The following MB21D2 variants were observed in gnomAD, a reference collection of about 807,000 sequenced individuals.
The protein encoded by MB21D2 is nucleotidyltransferase MB21D2.
A neutral mutation model predicts 33.3 loss-of-function variants in MB21D2; 9 were observed. The ratio of observed to expected loss-of-function variants is 0.27; its 90% CI spans 0.16 to 0.47. The LOEUF (loss-of-function observed/expected upper bound fraction) is 0.47, where lower values mean the gene tolerates loss of function less well. Among genes scored for constraint, MB21D2 ranks in the 20% least tolerant of loss-of-function variants. MB21D2 has a pLI of 0.99. For missense variants in MB21D2, 540 were observed against 624.6 expected, an observed-to-expected ratio of 0.86 and a Z score of 1.44; for synonymous variants, 241 against 236.3, an observed-to-expected ratio of 1.02 and a Z score of -0.18.
chr3:192,878,743 C>A (rs1156258515), intron 1 of MB21D2, among the ~76,000 whole-genome samples: 2 of 152,162 alleles, frequency 1.3e-5, no homozygotes, highest in African/African-American at 4.8e-5. Flanking sequence ...GCGAGCGGAT[C>A]GCTTGAGGTC....
chr3:192,840,908 T>C (rs758551512), intron 1 of MB21D2, among the ~76,000 whole-genome samples: 9 of 152,216 alleles, frequency 5.9e-5, no homozygotes, highest in Non-Finnish European at 8.8e-5. Context: ...CCAAAGCTTA[T>C]AGACAAGAGG....
chr3:192,875,862 C>T (rs1429499112), intron 1 of MB21D2, among the ~76,000 whole-genome samples: 1 of 152,104 alleles, frequency 6.6e-6, no homozygotes, highest in Non-Finnish European at 1.5e-5. Flanking sequence ...AAGCAAGGGA[C>T]GACATGGCTA....
Position 192,798,335 on chromosome 3 carries a change from C to A in MB21D2, c.*51G>T, listed in dbSNP as rs376684993. On this transcript the variant is annotated 3_prime_UTR_variant, in exon 2 of 2. Transcript: ENST00000392452. This position sits in a 1 kb window ranked among gnomAD's most constrained non-coding sequence, Gnocchi z 4.8. Reference sequence around the variant, plus strand: ...CAGAAAGATAGCATCACAAACCACACGACACATTATCAGAGTTTAAGAATC... The same window carrying A: ...CAGAAAGATAGCATCACAAACCACAAGACACATTATCAGAGTTTAAGAATC... The A allele has an allele frequency of 2.5e-6, 4 of 1,572,904 alleles. No homozygotes were observed. Among genetic ancestry groups the A allele is most frequent in the Non-Finnish European group, 3.5e-6 (4 of 1,153,706 alleles).
At chr3:192,866,467 T>G (rs1211024673) in intron 1 of MB21D2, among the ~76,000 whole-genome samples, 1 of 152,232 alleles carries the variant, frequency 6.6e-6, no homozygotes, top group Non-Finnish European at 1.5e-5. Context: ...ATTAATTTAT[T>G]CACCTTGACC....
At chr3:192,819,353 G>A (rs1251281696) in intron 1 of MB21D2, among the ~76,000 whole-genome samples, 1 of 152,200 alleles carries the variant, frequency 6.6e-6, no homozygotes, top group Non-Finnish European at 1.5e-5. Flanking sequence ...CAAAACACTG[G>A]CTTTTCACGG....
At chr3:192,834,919 C>T (rs1188362497) in intron 1 of MB21D2, among the ~76,000 whole-genome samples, 1 of 149,878 alleles carries the variant, frequency 6.7e-6, no homozygotes, top group Non-Finnish European at 1.5e-5. Context: ...AAGCGATTCT[C>T]CTGCCTCAGC....
chr3:192,898,288 T>G (rs2108650213), intron 1 of MB21D2, among the ~76,000 whole-genome samples: 1 of 151,460 alleles, frequency 6.6e-6, no homozygotes, highest in South Asian at 2.1e-4. Flanking sequence ...ACTCCTAAAC[T>G]TAAGCATCCT....
At chr3:192,893,791 T>C (rs1391174412) in intron 1 of MB21D2, among the ~76,000 whole-genome samples, 1 of 152,112 alleles carries the variant, frequency 6.6e-6, no homozygotes, top group Admixed American at 6.5e-5. Context: ...TCTCAGCACT[T>C]TGGGAGGCCC....
At chr3:192,871,417 C>T (rs933677257) in intron 1 of MB21D2, among the ~76,000 whole-genome samples, 3 of 152,028 alleles carry the variant, frequency 2.0e-5, no homozygotes, top group Admixed American at 6.6e-5. Flanking sequence ...ACTGTTTACC[C>T]GACACTGAGA....
At chr3:192,831,504 A>C (rs189164777) in intron 1 of MB21D2, among the ~76,000 whole-genome samples, 1 of 152,342 alleles carries the variant, frequency 6.6e-6, no homozygotes, top group African/African-American at 2.4e-5. Flanking sequence ...TGGATCTGAG[A>C]CTGGGTTTTC....
In MB21D2 at chr3:192,798,063, C is replaced by T. The variant is rs1720559326; in HGVS notation, c.*323G>A. The T allele has an allele frequency of 4.5e-6, 1 of 224,596 alleles. No individual in the cohort carries two copies. The highest frequency in any genetic ancestry group is 9.5e-5 in the East Asian group (1 of 10,502). The allele number at this position is 224,596 out of a possible 1,614,324, so 13.9% of individuals were successfully genotyped here. A position where few individuals can be genotyped will look rare whatever the true frequency, so the allele number is the denominator to read the frequency against. Reference sequence around the variant, plus strand: ...CCCATACCCATGAACAAATTTGCACCAAGTATGAAACAGAAAAAAGCAAGA... The same window carrying T: ...CCCATACCCATGAACAAATTTGCACTAAGTATGAAACAGAAAAAAGCAAGA... On this transcript the variant is annotated 3_prime_UTR_variant, in exon 2 of 2. Transcript: ENST00000392452. This position sits in a 1 kb window ranked among gnomAD's most constrained non-coding sequence, Gnocchi z 4.8.
chr3:192,884,576 C>T (rs1270324888), intron 1 of MB21D2, among the ~76,000 whole-genome samples: 3 of 152,000 alleles, frequency 2.0e-5, no homozygotes, highest in Admixed American at 6.5e-5. Context: ...ACCGTGTTAG[C>T]CAGGATGGTC....
At chr3:192,896,321 T>C (rs561620827) in intron 1 of MB21D2, among the ~76,000 whole-genome samples, 2 of 152,200 alleles carry the variant, frequency 1.3e-5, no homozygotes, top group Non-Finnish European at 2.9e-5. Context: ...GACTCCAAAG[T>C]CCACGTTCTT....
chr3:192,860,617 C>T (rs192259296), intron 1 of MB21D2, among the ~76,000 whole-genome samples: 97 of 152,290 alleles, frequency 6.4e-4, no homozygotes, highest in African/African-American at 2.3e-3. Context: ...CAAGCAGTTG[C>T]TGAATATGCA....
At chr3:192,800,848 A>C (rs1711549875) in intron 1 of MB21D2, among the ~76,000 whole-genome samples, 2 of 152,352 alleles carry the variant, frequency 1.3e-5, no homozygotes, top group South Asian at 4.1e-4. Flanking sequence ...GAAATGAACA[A>C]AATGAGCCTG....
intron 1 of MB21D2, among the ~76,000 whole-genome samples, chr3:192,880,336 G>A (rs1323335432): frequency 6.6e-6 from 1 of 151,936 alleles, no homozygotes; most frequent in Non-Finnish European, 1.5e-5. Context: ...GACAGTGTGA[G>A]AATCCATCTC....
intron 1 of MB21D2, among the ~76,000 whole-genome samples, chr3:192,810,140 A>G (rs992887736): frequency 2.6e-5 from 4 of 152,190 alleles, no homozygotes; most frequent in Non-Finnish European, 5.9e-5. Flanking sequence ...CTTTACAGAC[A>G]CAGCAGTACC....
intron 1 of MB21D2, among the ~76,000 whole-genome samples, chr3:192,869,383 A>G (rs1244840818): frequency 6.6e-6 from 1 of 151,324 alleles, no homozygotes; most frequent in Non-Finnish European, 1.5e-5. Context: ...GGGAAGGAGA[A>G]GTGGAATAAT....
At chr3:192,835,727 C>T (rs1277536191) in intron 1 of MB21D2, among the ~76,000 whole-genome samples, 1 of 152,004 alleles carries the variant, frequency 6.6e-6, no homozygotes, top group East Asian at 1.9e-4. Context: ...CTCTGTTCTA[C>T]CTTTGCTTAA....
Sources: allele counts gnomAD v4.1 joint callset (sites outside exome capture counted in the v4.1 genomes callset), GRCh38; gene constraint gnomAD v4.1.1; non-coding constraint Gnocchi (gnomAD v3.1); transcripts MANE v1.5; gene names NCBI Gene and HGNC (gene_info 2026-07-23, HGNC 2026-07-21).